NRXN1: variants seen among roughly 807,000 people sequenced by gnomAD.
NRXN1 encodes the protein neurexin 1, also known as neurexin-1.
Under a neutral mutation model 150.9 loss-of-function variants are expected in NRXN1, and 39 were observed. That is an observed-to-expected ratio of 0.26 (90% confidence interval 0.20 to 0.34). NRXN1 has a LOEUF of 0.34. Ranked by LOEUF, NRXN1 falls within the 10% of genes least tolerant of loss-of-function variation. The pLI, the probability that NRXN1 is intolerant of heterozygous loss-of-function variation, is 1.00. For synonymous variants in NRXN1, 924 were observed against 757.0 expected (o/e 1.22, Z -3.62); for missense variants, 1,815 against 1,949.9 (o/e 0.93, Z 1.30).
chr2:50,015,357 T>A (rs149061892), intron 21 of NRXN1, among the ~76,000 whole-genome samples: 48 of 151,686 alleles, frequency 3.2e-4, no homozygotes, highest in African/African-American at 1.1e-3. Flanking sequence ...GATGTGGAAG[T>A]TTTGCAAATC....
intron 19 of NRXN1, among the ~76,000 whole-genome samples, chr2:50,063,402 T>C (rs905607732): frequency 6.6e-6 from 1 of 152,164 alleles, no homozygotes; most frequent in African/African-American, 2.4e-5. Context: ...CATCTTGAAC[T>C]ACTTTTCTCT....
At chr2:50,677,130 T>C (rs1022250716) in intron 5 of NRXN1, among the ~76,000 whole-genome samples, 2 of 152,158 alleles carry the variant, frequency 1.3e-5, no homozygotes, top group African/African-American at 4.8e-5. Flanking sequence ...CTTTACTCTT[T>C]TGAAACATTA....
intron 2 of NRXN1, among the ~76,000 whole-genome samples, chr2:50,927,842 T>C (rs1466417379): frequency 2.0e-5 from 3 of 151,838 alleles, no homozygotes; most frequent in Admixed American, 6.6e-5. Flanking sequence ...AGTGCTTCGG[T>C]AGAAATTTTG....
intron 19 of NRXN1, among the ~76,000 whole-genome samples, chr2:50,063,438 AT>A (rs914186335): frequency 6.6e-6 from 1 of 151,478 alleles, no homozygotes; most frequent in Admixed American, 6.6e-5. Flanking sequence ...TCACTTTGTA[AT>A]TTTTTCAATT....
intron 5 of NRXN1, among the ~76,000 whole-genome samples, chr2:50,837,550 C>T (rs1672286130): frequency 6.6e-6 from 1 of 152,132 alleles, no homozygotes; most frequent in South Asian, 2.1e-4. Context: ...CAACATTTTA[C>T]TGGCTATTTG....
chr2:50,721,292 C>G (rs1574238891), intron 5 of NRXN1, among the ~76,000 whole-genome samples: 1 of 152,128 alleles, frequency 6.6e-6, no homozygotes, highest in Admixed American at 6.5e-5. Flanking sequence ...GGATAATCTA[C>G]AACACTCTTT....
intron 5 of NRXN1, among the ~76,000 whole-genome samples, chr2:50,904,528 C>T (rs2352540): frequency 0.94 from 143,011 of 152,184 alleles, 67,305 homozygotes; most frequent in East Asian, 1. Flanking sequence ...CAGTAAACTG[C>T]TGATGCAATA....
In NRXN1 at chr2:50,305,108, G is replaced by A. The variant is rs571091273; in HGVS notation, c.3365-68138C>T. On this transcript the variant is annotated intron_variant, in intron 17 of 22. Coordinates refer to ENST00000401669, the MANE Select transcript of NRXN1 (RefSeq NM_001330078.2). ...GTCTTGTAGGGGGTGGGATGGGGCG[G>A]AAAAGGTACTCACTAGTTTATTAAC... Among the ~76,000 whole-genome samples the A allele has an allele frequency of 3.3e-5, 5 of 152,078 alleles. No individual in the cohort carries two copies. The South Asian group carries it at 1.0e-3, about 32-fold the overall frequency.
chr2:50,591,387 G>T (rs992997594), intron 8 of NRXN1, among the ~76,000 whole-genome samples: 28 of 108,848 alleles, frequency 2.6e-4, no homozygotes, highest in Non-Finnish European at 5.0e-4. Flanking sequence ...ATATCAGATA[G>T]ATAGATAGAT....
chr2:50,656,264 A>G, intron 5 of NRXN1: 1 of 656,904 alleles, frequency 1.5e-6, no homozygotes, highest in Non-Finnish European at 2.8e-6. Context: ...TCTTGGCTCA[A>G]AACCCACCCA....
intron 12 of NRXN1, among the ~76,000 whole-genome samples, chr2:50,522,868 A>T (rs2105140287): frequency 6.7e-6 from 1 of 149,840 alleles, no homozygotes; most frequent in East Asian, 2.0e-4. Context: ...AGTAGCTGGG[A>T]TTATAGGCAC....
At chr2:50,404,335 T>C (rs1459678506) in intron 17 of NRXN1, among the ~76,000 whole-genome samples, 1 of 152,124 alleles carries the variant, frequency 6.6e-6, no homozygotes, top group Non-Finnish European at 1.5e-5. Flanking sequence ...GTCCTGGCTA[T>C]AGGTGAAGGA....
intron 18 of NRXN1, among the ~76,000 whole-genome samples, chr2:50,178,058 G>A (rs572939410): frequency 2.6e-5 from 4 of 152,126 alleles, no homozygotes; most frequent in African/African-American, 9.6e-5. Flanking sequence ...GAAGATACAT[G>A]TATTCTCTTC....
intron 5 of NRXN1, among the ~76,000 whole-genome samples, chr2:50,820,628 C>T (rs1669589195): frequency 6.6e-6 from 1 of 152,088 alleles, no homozygotes; most frequent in African/African-American, 2.4e-5. Context: ...TTCATCCTCG[C>T]TCTACCCTCC....
intron 5 of NRXN1, among the ~76,000 whole-genome samples, chr2:50,678,421 A>T (rs1689851994): frequency 6.6e-6 from 1 of 152,214 alleles, no homozygotes; most frequent in Admixed American, 6.5e-5. Flanking sequence ...AATGCAGTGC[A>T]GCTATAATGG....
intron 17 of NRXN1, among the ~76,000 whole-genome samples, chr2:50,424,133 A>AGGAGGAGGAGGGGG: frequency 9.4e-6 from 1 of 106,754 alleles, no homozygotes; most frequent in African/African-American, 3.6e-5. Flanking sequence ...GAGGCGGAGG[A>AGGAGGAGGAGGGGG]GGAGGAGGAG....
In NRXN1 at chr2:50,552,642, C is replaced by T; in HGVS notation, c.1704G>A (p.Lys568=). The T allele has an allele frequency of 1.2e-6, 2 of 1,613,952 alleles. No homozygotes were observed. The highest frequency in any genetic ancestry group is 1.7e-6 in the Non-Finnish European group (2 of 1,179,832). ...SGTIKIKALL[K]KVNDGEWYHV... is the part of the protein sequence containing the mutation. The stretch of plus-strand genomic sequence containing the variant: ...GATACCATTCTCCATCATTCACTTT[C>T]TTCAACAGGGCTTTTATTTTTATAG... The change falls in exon 9 of 23, where the codon AAG becomes AAA. Residue 568 remains lysine (K), a synonymous_variant. Transcript: ENST00000401669.
chr2:49,921,789 A>G lies in NRXN1; in HGVS notation c.*155T>C, dbSNP rs1668245526. The G allele has an allele frequency of 1.3e-6, 1 of 762,692 alleles. No individual in the cohort carries two copies. The allele number at this position is 762,692 out of a possible 1,614,324, so 47.2% of individuals were successfully genotyped here. On this transcript the variant is annotated 3_prime_UTR_variant, in exon 23 of 23. Transcript: ENST00000401669. Reference sequence around the variant, plus strand: ...TTTTTGAGAAACAAGAGCATGAGATACTTGTTTTTATTTTTTAAAAAGTCT... The same window carrying G: ...TTTTTGAGAAACAAGAGCATGAGATGCTTGTTTTTATTTTTTAAAAAGTCT...
chr2:50,390,814 C>T lies in NRXN1; in HGVS notation c.3364+74628G>A, dbSNP rs557899498. Among the ~76,000 whole-genome samples, 8 of 152,148 alleles carry T rather than the reference C, an allele frequency of 5.3e-5. No individual in the cohort carries two copies. The East Asian group carries it at 1.5e-3, about 29-fold the overall frequency. ...CAAGAAGGCCCTCTCCAGATGCTAG[C>T]CCCTTGCTTTTGGACTTCGCAGCCA... On this transcript the variant is annotated intron_variant, in intron 17 of 22. Coordinates refer to ENST00000401669, the MANE Select transcript of NRXN1 (RefSeq NM_001330078.2).
Sources: gnomAD v4.1 joint callset for allele counts (sites outside exome capture counted in the v4.1 genomes callset) on GRCh38, gnomAD v4.1.1 for gene constraint, MANE v1.5 for transcripts, NCBI Gene and HGNC (gene_info 2026-07-23, HGNC 2026-07-21) for gene names.